The following SHPRH variants were observed in gnomAD, a reference collection of about 807,000 sequenced individuals.
SHPRH encodes E3 ubiquitin-protein ligase SHPRH.
A neutral mutation model predicts 202.5 loss-of-function variants in SHPRH; 106 were observed. That is an observed-to-expected ratio of 0.52 (90% confidence interval 0.45 to 0.62). The LOEUF is 0.62. SHPRH is among the 20% of genes least tolerant of loss of function. SHPRH has a pLI of 0.00. For missense variants in SHPRH, 1,710 were observed against 2,020.0 expected, an observed-to-expected ratio of 0.85 and a Z score of 2.94; for synonymous variants, 729 against 686.0, an observed-to-expected ratio of 1.06 and a Z score of -0.98.
At chr6:145,902,634 A>AT (rs1782599879) in intron 25 of SHPRH, among the ~76,000 whole-genome samples, 1 of 128,488 alleles carries the variant, frequency 7.8e-6, no homozygotes, top group Non-Finnish European at 1.8e-5. Flanking sequence ...AAGACTTATT[A>AT]TTGGGGAAAA....
chr6:145,939,173 A>T (rs1450042390), intron 11 of SHPRH, among the ~76,000 whole-genome samples: 1 of 152,208 alleles, frequency 6.6e-6, no homozygotes, highest in Admixed American at 6.5e-5. Context: ...TAGAAAAAAA[A>T]CATTTAATTG....
At chr6:145,945,736 A>G (rs1787302466) in intron 7 of SHPRH, 99 bp from the exon 8 acceptor site, 2 of 1,281,192 alleles carry the variant, frequency 1.6e-6, no homozygotes, top group Admixed American at 6.3e-5. Flanking sequence ...GAGTTAAGAA[A>G]GAAATAAATC....
Position 145,929,472 on chromosome 6 carries a change from C to T in SHPRH, c.3113-2195G>A, listed in dbSNP as rs137982905. 3.2e-3 allele frequency among the ~76,000 whole-genome samples: 489 copies of T among 152,012 alleles called. 7 individuals carry two copies. The highest frequency in any genetic ancestry group is 9.7e-3 in the Admixed American group (148 of 15,244). On this transcript the variant is annotated intron_variant, in intron 14 of 29. Transcript: ENST00000275233. ...TTTTAGATTTCTTTTAAAAGTCAGA[C>T]CTTCACTGTCTGATCTTCACATTAG...
intron 25 of SHPRH, among the ~76,000 whole-genome samples, chr6:145,896,643 G>A (rs893192280): frequency 3.3e-5 from 5 of 151,866 alleles, no homozygotes; most frequent in Non-Finnish European, 7.4e-5. Context: ...TACTTTCCTA[G>A]CAGAATATGT....
In SHPRH at chr6:145,947,523, A is replaced by T; in HGVS notation, c.1182T>A (p.Asp394Glu). ...GAAGAGTGAGAGCATCTTGCTTGAC[A>T]TCTTGTCGAGTATGTGTCAGAATCA... ...LALILTHTRQ[D>E]VKQDALTLPE... Residue 394 changes from aspartate (D) to glutamate (E), a missense_variant, in exon 6 of 30, where the codon GAT becomes GAA. Coordinates refer to ENST00000275233, the MANE Select transcript of SHPRH (RefSeq NM_001042683.3). 1 of 1,612,890 alleles carries T rather than the reference A, an allele frequency of 6.2e-7. No individual in the cohort carries two copies.
At chr6:145,858,041 C>T in the SHPRH span, among the ~76,000 whole-genome samples, 2 of 152,032 alleles carry the variant, frequency 1.3e-5, no homozygotes, top group African/African-American at 4.8e-5. Flanking sequence ...AGTAGAATGT[C>T]TAAAATTAAG....
downstream of SHPRH, among the ~76,000 whole-genome samples, chr6:145,882,572 A>G (rs1780658783): frequency 6.6e-6 from 1 of 152,212 alleles, no homozygotes; most frequent in Non-Finnish European, 1.5e-5. Context: ...TTACCAAAGA[A>G]GACATAATTC....
intron 2 of SHPRH, chr6:145,877,575 T>G (rs375509868): frequency 2.0e-5 from 3 of 152,256 alleles, no homozygotes; most frequent in Non-Finnish European, 4.4e-5. Context: ...CAAAGTCTCT[T>G]GTGGGAAAAA....
Position 145,922,842 on chromosome 6 carries a change from T to G in SHPRH, c.3546-6A>C. 6.2e-7 allele frequency: 1 copy of G among 1,606,262 alleles called. No individual in the cohort carries two copies. Among genetic ancestry groups the G allele is most frequent in the Non-Finnish European group, 8.5e-7 (1 of 1,176,172 alleles). ...GACCTCTGCAATCACGGAACCTGAT[T>G]CCCACACCAGCACCACACACAATAC... On this transcript the variant is annotated splice_region_variant and splice_polypyrimidine_tract_variant and intron_variant, in intron 18 of 29. Coordinates refer to ENST00000275233, the MANE Select transcript of SHPRH (RefSeq NM_001042683.3).
intron 14 of SHPRH, among the ~76,000 whole-genome samples, chr6:145,928,890 G>A (rs143557543): frequency 3.9e-5 from 6 of 151,904 alleles, no homozygotes; most frequent in East Asian, 1.9e-4. Context: ...ACTTTATAAC[G>A]TAGGCATTAA....
chr6:145,949,986 G>A, intron 4 of SHPRH, among the ~76,000 whole-genome samples: 1 of 151,992 alleles, frequency 6.6e-6, no homozygotes, highest in East Asian at 1.9e-4. Flanking sequence ...TGAAAGGAAT[G>A]TAAAAAAAAT....
At chr6:145,893,653 A>G (rs1270807896) in intron 27 of SHPRH, among the ~76,000 whole-genome samples, 3 of 152,210 alleles carry the variant, frequency 2.0e-5, no homozygotes, top group African/African-American at 7.2e-5. Flanking sequence ...TAATGCATGC[A>G]AATTAAACTA....
In SHPRH at chr6:145,945,652, A is replaced by G; in HGVS notation, c.1322-15T>C. On this transcript the variant is annotated splice_polypyrimidine_tract_variant and intron_variant, in intron 7 of 29. Transcript: ENST00000275233. ...CACACGTGTAGCTAAATGTAAAAGG[A>G]TATGCTAAATCAGTCAAAATAATTA... The G allele has an allele frequency of 1.3e-6, 2 of 1,586,776 alleles. No individual in the cohort carries two copies. The highest frequency in any genetic ancestry group is 1.7e-6 in the Non-Finnish European group (2 of 1,169,956).
chr6:145,962,561 C>T (rs1387556108), intron 1 of SHPRH, among the ~76,000 whole-genome samples: 1 of 152,144 alleles, frequency 6.6e-6, no homozygotes, highest in African/African-American at 2.4e-5. Flanking sequence ...GAAAAATAAA[C>T]ATAAAATGTT....
intron 1 of SHPRH, among the ~76,000 whole-genome samples, chr6:145,959,803 G>T (rs1022520513): frequency 6.6e-5 from 10 of 152,196 alleles, no homozygotes; most frequent in Admixed American, 2.0e-4. Flanking sequence ...ATGTGCAGGT[G>T]ATGGATTAAA....
chr6:145,887,533 G>GTTTT (rs1220167063), intron 29 of SHPRH, among the ~76,000 whole-genome samples: 47 of 131,070 alleles, frequency 3.6e-4, no homozygotes, highest in Non-Finnish European at 4.0e-4. Context: ...TAACAAGTTT[G>GTTTT]TTTTTTTTTT....
At chr6:145,876,565 T>G (rs1282944886) in intron 2 of SHPRH, 6 of 152,222 alleles carry the variant, frequency 3.9e-5, no homozygotes, top group Admixed American at 3.9e-4. Context: ...GATTTATCCA[T>G]TTATCGTTTG....
intron 2 of SHPRH, among the ~76,000 whole-genome samples, chr6:145,873,713 AAGGGAGGG>A (rs1200242419): frequency 9.1e-5 from 8 of 87,976 alleles, no homozygotes; most frequent in South Asian, 9.5e-4. Context: ...GGAAGGAAGG[AAGGGAGGG>A]AGGGAGGGAG....
intron 14 of SHPRH, among the ~76,000 whole-genome samples, chr6:145,929,767 T>C (rs950756169): frequency 2.0e-5 from 3 of 152,070 alleles, no homozygotes; most frequent in Non-Finnish European, 2.9e-5. Flanking sequence ...ACGTGTACTA[T>C]ATGTGAACAA....
Sources: gnomAD v4.1 joint callset for allele counts (sites outside exome capture counted in the v4.1 genomes callset) on GRCh38, gnomAD v4.1.1 for gene constraint, MANE v1.5 for transcripts, NCBI Gene and HGNC (gene_info 2026-07-23, HGNC 2026-07-21) for gene names.